PABPC4L: variants seen among roughly 807,000 people sequenced by gnomAD.
PABPC4L encodes the protein poly(A) binding protein cytoplasmic 4 like, also known as polyadenylate-binding protein 4-like.
For missense variants in PABPC4L, 452 were observed against 451.4 expected, an observed-to-expected ratio of 1.00 and a Z score of -0.01; for synonymous variants, 169 against 164.1, an observed-to-expected ratio of 1.03 and a Z score of -0.23.
chr4:134,178,229 C>T, the PABPC4L span, among the ~76,000 whole-genome samples: 1 of 152,030 alleles, frequency 6.6e-6, no homozygotes, highest in African/African-American at 2.4e-5. Flanking sequence ...CAGAACACCC[C>T]ACATAAGAAA....
the PABPC4L span, among the ~76,000 whole-genome samples, chr4:134,080,059 A>C: frequency 6.6e-6 from 1 of 152,132 alleles, no homozygotes; most frequent in East Asian, 1.9e-4. Context: ...GAATGAGATT[A>C]TTTCCTACTG....
the PABPC4L span, among the ~76,000 whole-genome samples, chr4:133,957,618 A>C: frequency 6.6e-6 from 1 of 152,326 alleles, no homozygotes; most frequent in East Asian, 1.9e-4. Context: ...CCAACCCCAC[A>C]TTCTCTTTCT....
chr4:134,192,811 C>A (rs969614213), downstream of PABPC4L, among the ~76,000 whole-genome samples: 7 of 152,074 alleles, frequency 4.6e-5, no homozygotes, highest in Admixed American at 2.0e-4. Flanking sequence ...TTAAGGTAAT[C>A]AAGATTAATC....
the PABPC4L span, among the ~76,000 whole-genome samples, chr4:134,034,786 G>T: frequency 6.6e-6 from 1 of 151,922 alleles, no homozygotes; most frequent in African/African-American, 2.4e-5. Flanking sequence ...AGATAATGTG[G>T]TTTCTTGAGA....
At chr4:134,047,701 G>A in the PABPC4L span, among the ~76,000 whole-genome samples, 1 of 152,022 alleles carries the variant, frequency 6.6e-6, no homozygotes, top group African/African-American at 2.4e-5. Context: ...CTCCACAGTG[G>A]AGTCTGCCCT....
At chr4:134,019,371 G>T in the PABPC4L span, among the ~76,000 whole-genome samples, 1 of 151,992 alleles carries the variant, frequency 6.6e-6, no homozygotes, top group Non-Finnish European at 1.5e-5. Context: ...TTCTTTTGGG[G>T]TTCATCTATT....
the PABPC4L span, among the ~76,000 whole-genome samples, chr4:134,139,542 CTG>C: frequency 6.6e-6 from 1 of 151,852 alleles, no homozygotes; most frequent in African/African-American, 2.4e-5. Flanking sequence ...TAACTATACT[CTG>C]TAATAATGCT....
At chr4:134,095,726 T>C in the PABPC4L span, among the ~76,000 whole-genome samples, 1 of 151,980 alleles carries the variant, frequency 6.6e-6, no homozygotes, top group Non-Finnish European at 1.5e-5. Flanking sequence ...TCCTTATCAC[T>C]TCTCCTTCAG....
chr4:133,970,480 T>C, the PABPC4L span, among the ~76,000 whole-genome samples: 3 of 152,194 alleles, frequency 2.0e-5, no homozygotes. Context: ...AACTGCCATG[T>C]TGAAAATTGC....
chr4:134,172,281 G>A, the PABPC4L span, among the ~76,000 whole-genome samples: 5 of 152,026 alleles, frequency 3.3e-5, no homozygotes, highest in East Asian at 5.8e-4. Flanking sequence ...ACAAGCCTAT[G>A]GTAACCAAAA....
At chr4:134,123,402 G>A in the PABPC4L span, among the ~76,000 whole-genome samples, 2 of 152,014 alleles carry the variant, frequency 1.3e-5, no homozygotes, top group Non-Finnish European at 2.9e-5. Context: ...TAGCCTGAGA[G>A]GTGAAACAAT....
the PABPC4L span, among the ~76,000 whole-genome samples, chr4:134,047,611 A>G: frequency 6.6e-6 from 1 of 152,062 alleles, no homozygotes; most frequent in Non-Finnish European, 1.5e-5. Context: ...GATAAATGGG[A>G]AAAAAATGTT....
At chr4:134,076,924 C>T in the PABPC4L span, among the ~76,000 whole-genome samples, 3 of 152,086 alleles carry the variant, frequency 2.0e-5, 1 homozygote, top group South Asian at 6.2e-4. Context: ...AAGAGATTGC[C>T]TGTCATAGCA....
chr4:134,163,924 A>T, the PABPC4L span, among the ~76,000 whole-genome samples: 3 of 152,076 alleles, frequency 2.0e-5, no homozygotes, highest in Admixed American at 6.6e-5. Flanking sequence ...CCCCACAAAG[A>T]ACTGGAACAA....
the PABPC4L span, among the ~76,000 whole-genome samples, chr4:134,094,546 C>T: frequency 2.0e-5 from 3 of 151,808 alleles, no homozygotes; most frequent in Non-Finnish European, 1.5e-5. Flanking sequence ...ATAACATTAA[C>T]TTTTTTTCAG....
chr4:134,193,459 C>T (rs1313800154), downstream of PABPC4L, among the ~76,000 whole-genome samples: 1 of 151,860 alleles, frequency 6.6e-6, no homozygotes, highest in Non-Finnish European at 1.5e-5. Flanking sequence ...CTCTTTTTCT[C>T]CCTGTAACAC....
At chr4:133,967,838 G>T in the PABPC4L span, among the ~76,000 whole-genome samples, 4 of 152,300 alleles carry the variant, frequency 2.6e-5, no homozygotes, top group African/African-American at 9.6e-5. Flanking sequence ...GGAATGTGAT[G>T]CCAAGCAACT....
rs1436554092 is a variant in PABPC4L, at chr4:134,200,070, C to A, written c.950G>T (p.Gly317Val). ...EKLRNEFSSF[G>V]SISRVKVMQE... ...CATTACCTTAACTCTGCTAATTGATCCAAATGAAGAAAATTCGTTTCGTAG... is the reference window on the plus strand; with the variant it reads ...CATTACCTTAACTCTGCTAATTGATACAAATGAAGAAAATTCGTTTCGTAG... Residue 317 changes from glycine (G) to valine (V), a missense_variant, in exon 2 of 2, where the codon GGA becomes GTA. By Grantham distance (109) the Gly-to-Val change is moderately radical (BLOSUM62 -3). Transcript: ENST00000421491. 6.4e-7 allele frequency: 1 copy of A among 1,551,642 alleles called. No individual in the cohort carries two copies. The highest frequency in any genetic ancestry group is 8.7e-7 in the Non-Finnish European group (1 of 1,146,966).
chr4:134,054,270 A>G, the PABPC4L span, among the ~76,000 whole-genome samples: 193 of 143,622 alleles, frequency 1.3e-3, 1 homozygote, highest in African/African-American at 4.4e-3. Context: ...ATATATATAT[A>G]TATATATATA....
Sources: gnomAD v4.1 joint callset for allele counts (sites outside exome capture counted in the v4.1 genomes callset) on GRCh38, gnomAD v4.1.1 for gene constraint, MANE v1.5 for transcripts, NCBI Gene and HGNC (gene_info 2026-07-23, HGNC 2026-07-21) for gene names.